Variants in VPS39 observed in about 807,000 individuals in gnomAD.
VPS39 encodes VPS39 subunit of HOPS complex.
A neutral mutation model predicts 121.0 loss-of-function variants in VPS39; 70 were observed. The ratio of observed to expected loss-of-function variants is 0.58; its 90% CI spans 0.48 to 0.71. The LOEUF (loss-of-function observed/expected upper bound fraction) is 0.71. VPS39 is among the 30% of genes least tolerant of loss of function. The pLI is 0.00. For missense variants in VPS39, 818 were observed against 1,051.5 expected, an observed-to-expected ratio of 0.78 and a Z score of 3.07; for synonymous variants, 378 against 398.1, an observed-to-expected ratio of 0.95 and a Z score of 0.60.
chr15:42,164,825 T>C, intron 18 of VPS39, 171 bp downstream of exon 18: 3 of 1,440,522 alleles, frequency 2.1e-6, no homozygotes, highest in South Asian at 3.0e-5. Flanking sequence ...CAAGAGCTCC[T>C]GAGTCTCATG....
chr15:42,163,216 TA>T, intron 21 of VPS39, 133 bp downstream of exon 21: 2 of 1,080,320 alleles, frequency 1.9e-6, no homozygotes, highest in African/African-American at 1.5e-5. Flanking sequence ...TGTCCCTCAA[TA>T]CACACATGCA....
At chr15:42,171,080 C>T (rs1475472567) in intron 11 of VPS39, among the ~76,000 whole-genome samples, 1 of 152,084 alleles carries the variant, frequency 6.6e-6, no homozygotes, top group African/African-American at 2.4e-5. Flanking sequence ...CCAACATATC[C>T]CCTCACTGAC....
intron 11 of VPS39, 69 bp downstream of exon 11, chr15:42,173,654 T>C: frequency 6.4e-7 from 1 of 1,565,698 alleles, no homozygotes; most frequent in Admixed American, 1.8e-5. Context: ...TCTGTTATCA[T>C]TTCTCCCCAT....
intron 8 of VPS39, among the ~76,000 whole-genome samples, chr15:42,182,568 T>C (rs1162782617): frequency 2.0e-5 from 3 of 152,232 alleles, no homozygotes; most frequent in South Asian, 2.1e-4. Context: ...CACTGTACTA[T>C]GTAGTAAGGA....
chr15:42,185,234 A>C (rs550894436), intron 7 of VPS39, among the ~76,000 whole-genome samples: 9 of 146,784 alleles, frequency 6.1e-5, no homozygotes, highest in African/African-American at 1.5e-4. Flanking sequence ...GCTGGAGTGC[A>C]GTGGCACAAT....
chr15:42,166,738 AG>A (rs1196572185), intron 14 of VPS39, 33 bp downstream of exon 14: 11 of 1,613,316 alleles, frequency 6.8e-6, no homozygotes, highest in Non-Finnish European at 8.5e-6. Context: ...CATGTACAAG[AG>A]CCCCTCCCAG....
In VPS39 at chr15:42,164,346, C is replaced by CCAGA; in HGVS notation, c.2026+8_2026+11dup. On this transcript the variant is annotated intron_variant, in intron 19 of 24. Coordinates refer to ENST00000318006, the MANE Select transcript of VPS39 (RefSeq NM_015289.5). ...CGCTGAAGTGGCTTCTGGCCCTAAGCCAGACACTCACCATCAAAGGGAAAA... is the reference window on the plus strand; with the variant it reads ...CGCTGAAGTGGCTTCTGGCCCTAAGCCAGACAGACACTCACCATCAAAGGGAAAA... The CCAGA allele has an allele frequency of 6.2e-7, 1 of 1,613,958 alleles. No individual in the cohort carries two copies. The highest frequency in any genetic ancestry group is 2.2e-5 in the East Asian group (1 of 44,886).
chr15:42,202,870 T>A (rs937065446), intron 1 of VPS39, among the ~76,000 whole-genome samples: 15 of 152,214 alleles, frequency 9.9e-5, no homozygotes, highest in Non-Finnish European at 1.9e-4. Flanking sequence ...TTAGAGCAGA[T>A]CTCTGATGCT....
intron 15 of VPS39, 111 bp downstream of exon 15, chr15:42,166,452 G>A (rs1004125160): frequency 7.8e-7 from 1 of 1,285,116 alleles, no homozygotes. Flanking sequence ...ATGAAATTGA[G>A]TGAACACGAG....
intron 1 of VPS39, 103 bp downstream of exon 1, chr15:42,207,978 C>A: frequency 7.8e-7 from 1 of 1,287,046 alleles, no homozygotes; most frequent in Non-Finnish European, 1.1e-6. Flanking sequence ...AGCATCCAAC[C>A]GAAGCCCACA....
chr15:42,189,240 A>G (rs1399444320), intron 4 of VPS39, 32 bp from the exon 5 acceptor site: 3 of 1,554,560 alleles, frequency 1.9e-6, no homozygotes, highest in African/African-American at 2.7e-5. Context: ...ATCAGGATCA[A>G]TGATCATAAT....
At position 42,169,706 on chromosome 15, in the gene VPS39, A is replaced by G. The variant is rs775544597; in HGVS notation, c.1233+18T>C. The G allele has an allele frequency of 1.9e-6, 3 of 1,600,944 alleles. No individual in the cohort carries two copies. Among genetic ancestry groups the G allele is most frequent in the Non-Finnish European group, 2.6e-6 (3 of 1,172,852 alleles). ...AACTCCCAGGCAAACTCTTTCACGC[A>G]CTCTGTACTATACCTACCTGTGTCA... On this transcript the variant is annotated intron_variant, in intron 12 of 24. Transcript: ENST00000318006.
At chr15:42,194,299 T>A (rs1446129975) in intron 2 of VPS39, among the ~76,000 whole-genome samples, 1 of 151,564 alleles carries the variant, frequency 6.6e-6, no homozygotes, top group Non-Finnish European at 1.5e-5. Context: ...TATGGTGAAA[T>A]CCTGTCTCTA....
rs749416749 is a variant in VPS39 at position 42,192,111 on chromosome 15, A to G, written c.140-551T>C. On this transcript the variant is annotated intron_variant, in intron 2 of 24. Coordinates refer to ENST00000318006, the MANE Select transcript of VPS39 (RefSeq NM_015289.5). ...ACATCTGCTGGCACTGTTACAAAAA[A>G]GGGGAAGAAAGTTATATACCATAAA... The G allele has an allele frequency of 3.6e-5, 56 of 1,536,192 alleles. 1 individual carries two copies. In the South Asian group the frequency reaches 6.7e-4, roughly 18 times the overall value.
chr15:42,197,652 T>C (rs1016303976), intron 2 of VPS39, among the ~76,000 whole-genome samples: 1 of 152,196 alleles, frequency 6.6e-6, no homozygotes, highest in African/African-American at 2.4e-5. Flanking sequence ...TATTGAATAA[T>C]TACTAGGCTA....
At chr15:42,166,434 T>C in intron 15 of VPS39, 129 bp downstream of exon 15, 1 of 1,211,308 alleles carries the variant, frequency 8.3e-7, no homozygotes, top group Non-Finnish European at 1.2e-6. Context: ...TTTATGCCAT[T>C]TGGAGGAATG....
intron 3 of VPS39, 25 bp from the exon 4 acceptor site, chr15:42,191,192 C>G (rs755679304): frequency 1.2e-6 from 2 of 1,613,264 alleles, no homozygotes; most frequent in South Asian, 1.1e-5. Context: ...ATCATGAGAC[C>G]CAATTAAACA....
chr15:42,188,476 A>G (rs1385684472), intron 5 of VPS39, among the ~76,000 whole-genome samples: 1 of 152,246 alleles, frequency 6.6e-6, no homozygotes. Context: ...ACAAGACTCC[A>G]TTTAATGTCT....
intron 2 of VPS39, among the ~76,000 whole-genome samples, chr15:42,194,423 G>C (rs1045377311): frequency 6.6e-6 from 1 of 152,028 alleles, no homozygotes; most frequent in African/African-American, 2.4e-5. Flanking sequence ...GCAGTGAGCC[G>C]AGATTATGCC....
Sources: allele counts gnomAD v4.1 joint callset (sites outside exome capture counted in the v4.1 genomes callset), GRCh38; gene constraint gnomAD v4.1.1; transcripts MANE v1.5; gene names NCBI Gene and HGNC (gene_info 2026-07-23, HGNC 2026-07-21).